TRPC6: variants seen among roughly 807,000 people sequenced by gnomAD.
The protein encoded by TRPC6 is transient receptor potential cation channel subfamily C member 6.
Under a neutral mutation model 90.7 loss-of-function variants are expected in TRPC6, and 55 were observed. The ratio of observed to expected loss-of-function variants is 0.61; its 90% CI spans 0.49 to 0.76. TRPC6 has a LOEUF of 0.76. TRPC6 is among the 30% of genes least tolerant of loss of function. The pLI is 0.00. For synonymous variants in TRPC6, 393 were observed against 393.0 expected (o/e 1.00, Z 0.00); for missense variants, 989 against 1,122.7 (o/e 0.88, Z 1.70).
intron 1 of TRPC6, among the ~76,000 whole-genome samples, chr11:101,577,954 A>G (rs1462009792): frequency 6.6e-6 from 1 of 152,004 alleles, no homozygotes; most frequent in African/African-American, 2.4e-5. Flanking sequence ...CTCTTTTGAT[A>G]TGGACATTCA....
At chr11:101,459,473 G>A (rs1858955933) in intron 10 of TRPC6, among the ~76,000 whole-genome samples, 3 of 152,128 alleles carry the variant, frequency 2.0e-5, no homozygotes, top group South Asian at 4.1e-4. Flanking sequence ...AGACATCACA[G>A]GTTTAGTATT....
chr11:101,534,497 A>G (rs1285080336), intron 1 of TRPC6, among the ~76,000 whole-genome samples: 4 of 152,148 alleles, frequency 2.6e-5, no homozygotes, highest in Non-Finnish European at 4.4e-5. Context: ...ATTTCAAGAT[A>G]TAACAGTAAG....
intron 5 of TRPC6, among the ~76,000 whole-genome samples, chr11:101,479,256 CCTT>C (rs1385294874): frequency 3.9e-5 from 6 of 152,366 alleles, no homozygotes; most frequent in South Asian, 2.1e-4. Context: ...GCCGTCCTCT[CCTT>C]CTGTTGAAGA....
chr11:101,534,143 T>C (rs1860978342), intron 1 of TRPC6, among the ~76,000 whole-genome samples: 1 of 151,996 alleles, frequency 6.6e-6, no homozygotes, highest in Admixed American at 6.6e-5. Flanking sequence ...TTCCCTCTCT[T>C]CTCTCTCTTT....
chr11:101,456,664 C>A (rs1200923083), intron 10 of TRPC6, among the ~76,000 whole-genome samples: 1 of 152,182 alleles, frequency 6.6e-6, no homozygotes, highest in East Asian at 1.9e-4. Context: ...CTCCCACCAC[C>A]CCCTATTGTG....
rs796731162 is a variant in TRPC6 at position 101,542,303 on chromosome 11, T to C, written c.171-37505A>G. Among the ~76,000 whole-genome samples the C allele has an allele frequency of 2.4e-4, 36 of 152,280 alleles. 1 individual carries two copies. The highest frequency in any genetic ancestry group is 7.9e-4 in the African/African-American group (33 of 41,562). On this transcript the variant is annotated intron_variant, in intron 1 of 12. Coordinates refer to ENST00000344327, the MANE Select transcript of TRPC6 (RefSeq NM_004621.6). Reference sequence around the variant, plus strand: ...AATTATAAATAGGGTGCTAATTAACTCCTCATGACTGAAAAAATGTACATT... The same window carrying C: ...AATTATAAATAGGGTGCTAATTAACCCCTCATGACTGAAAAAATGTACATT...
chr11:101,492,674 A>G (rs1859857165), intron 2 of TRPC6, among the ~76,000 whole-genome samples: 3 of 152,180 alleles, frequency 2.0e-5, no homozygotes, highest in Admixed American at 1.3e-4. Context: ...GACTTTGCAT[A>G]TATCATCTCC....
chr11:101,459,004 C>CT (rs1448691534), intron 10 of TRPC6, among the ~76,000 whole-genome samples: 2 of 152,116 alleles, frequency 1.3e-5, no homozygotes, highest in African/African-American at 2.4e-5. Context: ...ATCTCATTAG[C>CT]AATGGGCAAA....
chr11:101,475,568 C>G (rs565126011), intron 6 of TRPC6, among the ~76,000 whole-genome samples: 1 of 152,186 alleles, frequency 6.6e-6, no homozygotes, highest in African/African-American at 2.4e-5. Flanking sequence ...TAAGTTAGAA[C>G]TTACTCATCC....
intron 1 of TRPC6, among the ~76,000 whole-genome samples, chr11:101,523,902 CCTG>C (rs760372847): frequency 5.9e-5 from 9 of 152,098 alleles, no homozygotes; most frequent in Non-Finnish European, 1.3e-4. Context: ...TGCTCTTTTC[CCTG>C]CCTACATTTT....
intron 1 of TRPC6, among the ~76,000 whole-genome samples, chr11:101,565,958 A>G (rs10791504): frequency 0.62 from 94,097 of 152,008 alleles, 29,333 homozygotes; most frequent in Non-Finnish European, 0.66. Context: ...ACAAGGACTT[A>G]CTAATATTTT....
At chr11:101,518,577 C>A (rs1860576146) in intron 1 of TRPC6, among the ~76,000 whole-genome samples, 1 of 152,124 alleles carries the variant, frequency 6.6e-6, no homozygotes, top group Non-Finnish European at 1.5e-5. Context: ...GAAAAGGAAA[C>A]CCTTGTACAG....
rs906120283 is a variant in TRPC6, at chr11:101,530,287, G to A, written c.171-25489C>T. 2.0e-5 allele frequency among the ~76,000 whole-genome samples: 3 copies of A among 151,852 alleles called. No individual in the cohort carries two copies. The East Asian group carries it at 5.8e-4, about 29-fold the overall frequency. On this transcript the variant is annotated intron_variant, in intron 1 of 12. Coordinates refer to ENST00000344327, the MANE Select transcript of TRPC6 (RefSeq NM_004621.6). ...CCAGGAACCTGCCAGGAGTCACACT[G>A]TATGTACCCTGGGAAGCAGGCTTGC...
At chr11:101,482,714 G>A (rs960549033) in intron 5 of TRPC6, among the ~76,000 whole-genome samples, 4 of 152,174 alleles carry the variant, frequency 2.6e-5, no homozygotes, top group African/African-American at 9.7e-5. Flanking sequence ...TACCCTGTTG[G>A]TTTTCTTCCT....
At chr11:101,476,253 C>T (rs552463990) in intron 6 of TRPC6, 48 bp downstream of exon 6, 30 of 1,534,190 alleles carry the variant, frequency 2.0e-5, no homozygotes, top group Non-Finnish European at 2.7e-5. Flanking sequence ...ATCTGTTTTA[C>T]AAGAAAATTC....
At chr11:101,465,986 T>C (rs1249087401) in intron 10 of TRPC6, among the ~76,000 whole-genome samples, 2 of 152,218 alleles carry the variant, frequency 1.3e-5, no homozygotes, top group South Asian at 2.1e-4. Flanking sequence ...TGATGGGGTC[T>C]CTTGAGTGGA....
chr11:101,484,958 A>G (rs1859641420), intron 4 of TRPC6, among the ~76,000 whole-genome samples: 1 of 152,050 alleles, frequency 6.6e-6, no homozygotes, highest in Non-Finnish European at 1.5e-5. Context: ...CATCATCTCA[A>G]ACATCTATCA....
intron 6 of TRPC6, among the ~76,000 whole-genome samples, chr11:101,474,645 T>C (rs138864378): frequency 2.0e-3 from 303 of 152,256 alleles, no homozygotes; most frequent in African/African-American, 7.1e-3. Context: ...AATTAAACAT[T>C]AAAATAAACA....
In TRPC6 at chr11:101,506,990, ATCTC is replaced by A. The variant is rs1188785537; in HGVS notation, c.171-2196_171-2193del. Among the ~76,000 whole-genome samples, 218 of 137,912 alleles carry A rather than the reference ATCTC, an allele frequency of 1.6e-3. 1 individual carries two copies. The highest frequency in any genetic ancestry group is 4.6e-3 in the African/African-American group (169 of 36,702). 90.5% of individuals were successfully genotyped at this position (137,912 alleles called of 152,430 possible). On this transcript the variant is annotated intron_variant, in intron 1 of 12. Transcript: ENST00000344327. Reference sequence around the variant, plus strand: ...TTCCCATTACACCATACCTTCACGTATCTCTCTCTCTCTCTAACACACACACACA... The same window carrying A: ...TTCCCATTACACCATACCTTCACGTATCTCTCTCTCTAACACACACACACA...
Sources: gnomAD v4.1 joint callset for allele counts (sites outside exome capture counted in the v4.1 genomes callset) on GRCh38, gnomAD v4.1.1 for gene constraint, MANE v1.5 for transcripts, NCBI Gene and HGNC (gene_info 2026-07-23, HGNC 2026-07-21) for gene names.